The following INTS10 variants were observed in gnomAD, a reference collection of about 807,000 sequenced individuals.
INTS10 encodes chromosome 8 open reading frame 35.
In INTS10, 44 loss-of-function variants were observed where a neutral mutation model predicts 94.4. The ratio of observed to expected loss-of-function variants is 0.47; its 90% CI spans 0.37 to 0.60. INTS10 has a LOEUF of 0.60. Ranked by LOEUF, INTS10 falls within the 20% of genes least tolerant of loss-of-function variation. INTS10 has a pLI of 0.00. For missense variants in INTS10, 797 were observed against 868.7 expected (o/e 0.92, Z 1.04); for synonymous variants, 341 against 320.7 (o/e 1.06, Z -0.68).
intron 6 of INTS10, 59 bp downstream of exon 6, chr8:19,823,500 A>G (rs2066551450): frequency 2.6e-6 from 3 of 1,158,636 alleles, no homozygotes; most frequent in South Asian, 1.3e-5. Flanking sequence ...TGCAAAATTC[A>G]GAAACCCCTC....
chr8:19,828,071 G>A (rs2066940808), intron 9 of INTS10, among the ~76,000 whole-genome samples: 1 of 151,824 alleles, frequency 6.6e-6, no homozygotes. Flanking sequence ...AAACTAGCTG[G>A]CTGGTGGCAT....
chr8:19,829,775 T>A (rs902627818), intron 9 of INTS10, among the ~76,000 whole-genome samples: 1 of 152,114 alleles, frequency 6.6e-6, no homozygotes, highest in Non-Finnish European at 1.5e-5. Flanking sequence ...CTTAAGAAAT[T>A]CTTGTGTCTC....
chr8:19,836,839 T>G (rs2067703369), intron 12 of INTS10, among the ~76,000 whole-genome samples: 1 of 152,206 alleles, frequency 6.6e-6, no homozygotes, highest in Non-Finnish European at 1.5e-5. Flanking sequence ...AATGGATTAG[T>G]GTTCCCTCTA....
At chr8:19,819,200 T>G (rs1017030133) in intron 2 of INTS10, among the ~76,000 whole-genome samples, 3 of 152,230 alleles carry the variant, frequency 2.0e-5, no homozygotes, top group African/African-American at 7.2e-5. Context: ...AAAAAAAAAT[T>G]TGTACTACTC....
intron 13 of INTS10, among the ~76,000 whole-genome samples, chr8:19,840,005 T>C (rs894191518): frequency 1.4e-5 from 2 of 140,544 alleles, no homozygotes; most frequent in African/African-American, 2.7e-5. Flanking sequence ...GGAGGTTTCA[T>C]TGAGCCAAGA....
chr8:19,836,036 C>T (rs1461559822), intron 12 of INTS10, among the ~76,000 whole-genome samples: 1 of 152,016 alleles, frequency 6.6e-6, no homozygotes, highest in Non-Finnish European at 1.5e-5. Context: ...AGGACAAATA[C>T]CTAAGGCATG....
Position 19,852,005 on chromosome 8 carries a change from G to A in INTS10, c.*200G>A. On this transcript the variant is annotated 3_prime_UTR_variant, in exon 17 of 17. Transcript: ENST00000397977. ...TTTCTATTTTTAAGAGTCATTTTTTGTAATTTTTGTAAAACAAAAGTACCA... is the reference window on the plus strand; with the variant it reads ...TTTCTATTTTTAAGAGTCATTTTTTATAATTTTTGTAAAACAAAAGTACCA... 1.0e-5 allele frequency: 4 copies of A among 399,564 alleles called. No homozygotes were observed. Among genetic ancestry groups the A allele is most frequent in the Non-Finnish European group, 1.8e-5 (4 of 225,646 alleles). The allele number at this position is 399,564 out of a possible 1,614,324, so 24.8% of individuals were successfully genotyped here.
At chr8:19,826,710 A>G (rs1403052880) in intron 9 of INTS10, 151 bp downstream of exon 9, 2 of 760,224 alleles carry the variant, frequency 2.6e-6, no homozygotes, top group South Asian at 1.9e-5. Flanking sequence ...GTGGTTCTCC[A>G]CTGGAGGTGA....
At chr8:19,824,243 G>A in intron 7 of INTS10, 199 bp downstream of exon 7, 1 of 436,706 alleles carries the variant, frequency 2.3e-6, no homozygotes, top group Non-Finnish European at 4.0e-6. Context: ...TGTAATCCCA[G>A]TGCTTTGGGA....
At position 19,826,409 on chromosome 8, in the gene INTS10, T is replaced by A. The variant is rs1248450284; in HGVS notation, c.1007-17T>A. 1.3e-6 allele frequency: 2 copies of A among 1,599,680 alleles called. No homozygotes were observed. The highest frequency in any genetic ancestry group is 8.5e-7 in the Non-Finnish European group (1 of 1,174,290). ...CTTGCTGCACTGGTAAGTGTTGGTG[T>A]TTTTCCCCGTCCTTAGGTCCTAATG... On this transcript the variant is annotated splice_polypyrimidine_tract_variant and intron_variant, in intron 8 of 16. Transcript: ENST00000397977.
Position 19,818,525 on chromosome 8 carries a change from TTTAA to T in INTS10, c.197+187_197+190del, listed in dbSNP as rs2066120426. On this transcript the variant is annotated intron_variant, in intron 2 of 16. Transcript: ENST00000397977. ...TGCTGACATGGCTTTTGCAGAAGAG[TTTAA>T]TTATTATTCTTATGTTTTATCCTTG... 19 of 585,282 alleles carry T rather than the reference TTTAA, an allele frequency of 3.2e-5. No homozygotes were observed. The South Asian group carries it at 3.7e-4, about 11-fold the overall frequency. 36.3% of individuals were successfully genotyped at this position (585,282 alleles called of 1,614,324 possible).
At chr8:19,829,827 C>A (rs545688763) in intron 9 of INTS10, among the ~76,000 whole-genome samples, 1 of 152,126 alleles carries the variant, frequency 6.6e-6, no homozygotes, top group Non-Finnish European at 1.5e-5. Context: ...TGCCACCATG[C>A]CCGGCTGACT....
In INTS10 at chr8:19,824,989, TAG is replaced by T; in HGVS notation, c.1006+20_1006+21del. 2 of 1,610,476 alleles carry T rather than the reference TAG, an allele frequency of 1.2e-6. No individual in the cohort carries two copies. The highest frequency in any genetic ancestry group is 2.7e-5 in the African/African-American group (2 of 74,926). Reference sequence around the variant, plus strand: ...TCTTCCAAGGTTGGTTTACAAATTTTAGAGTGTCCAAAAAGCCAGTTCATACT... The same window carrying T: ...TCTTCCAAGGTTGGTTTACAAATTTTAGTGTCCAAAAAGCCAGTTCATACT... On this transcript the variant is annotated intron_variant, in intron 8 of 16. Coordinates refer to ENST00000397977, the MANE Select transcript of INTS10 (RefSeq NM_018142.4).
rs2128759375 is a variant in INTS10, at chr8:19,824,054, A to C, written c.836+10A>C. On this transcript the variant is annotated intron_variant, in intron 7 of 16. Transcript: ENST00000397977. ...TGGATAAAGGAAGACGGTAATAAATAGCTTATTTCCAGAATTGCCTATTGA... is the reference window on the plus strand; with the variant it reads ...TGGATAAAGGAAGACGGTAATAAATCGCTTATTTCCAGAATTGCCTATTGA... The C allele has an allele frequency of 1.3e-6, 2 of 1,574,990 alleles. No homozygotes were observed. Among genetic ancestry groups the C allele is most frequent in the East Asian group, 4.5e-5 (2 of 44,110 alleles).
rs901848620 is a variant in INTS10 at position 19,846,247 on chromosome 8, C to A, written c.1976+450C>A. Among the ~76,000 whole-genome samples, 9 of 151,508 alleles carry A rather than the reference C, an allele frequency of 5.9e-5. No individual in the cohort carries two copies. Among genetic ancestry groups the A allele is most frequent in the African/African-American group, 2.2e-4 (9 of 41,234 alleles). ...GACCAGCCTGGCCAACATGGTGAAA[C>A]CCCGTCTCTACTAAAAATACAAAAA... is the stretch of plus-strand genomic sequence containing the variant. On this transcript the variant is annotated intron_variant, in intron 16 of 16. Transcript: ENST00000397977. This position sits in a 1 kb window ranked among gnomAD's most constrained non-coding sequence, Gnocchi z 4.2.
At chr8:19,835,572 T>A (rs934560582) in intron 12 of INTS10, among the ~76,000 whole-genome samples, 1 of 152,178 alleles carries the variant, frequency 6.6e-6, no homozygotes, top group African/African-American at 2.4e-5. Context: ...ATAGAAAAGA[T>A]TGGCTGGAGA....
At chr8:19,848,877 C>T (rs933732153) in intron 16 of INTS10, 2 of 195,512 alleles carry the variant, frequency 1.0e-5, no homozygotes, top group Non-Finnish European at 2.2e-5. Context: ...CCATCATCCT[C>T]TTCCTCACTG....
Position 19,826,502 on chromosome 8 carries a change from T to C in INTS10, c.1083T>C (p.Asp361=). 3.7e-6 allele frequency: 6 copies of C among 1,613,252 alleles called. No homozygotes were observed. Among genetic ancestry groups the C allele is most frequent in the Non-Finnish European group, 4.2e-6 (5 of 1,179,736 alleles). ...ATGTGTATGGTGATGTAGAAATTGA[T>C]CGTAATAAACACATCCATAAAAAGA... The part of the protein sequence containing the change: ...VSNVYGDVEI[D]RNKHIHKKRK... The change falls in exon 9 of 17, where the codon GAT becomes GAC. Residue 361 remains aspartate, a synonymous_variant. Transcript: ENST00000397977.
At chr8:19,819,506 AC>A in intron 2 of INTS10, 66 bp from the exon 3 acceptor site, 1 of 1,229,034 alleles carries the variant, frequency 8.1e-7, no homozygotes, top group Non-Finnish European at 1.1e-6. Flanking sequence ...CCAAATGCTA[AC>A]GTTTTTTCTT....
Sources: gnomAD v4.1 joint callset for allele counts (sites outside exome capture counted in the v4.1 genomes callset) on GRCh38, gnomAD v4.1.1 for gene constraint, Gnocchi (gnomAD v3.1) non-coding constraint, MANE v1.5 for transcripts, NCBI Gene and HGNC (gene_info 2026-07-23, HGNC 2026-07-21) for gene names.